The following NELL1 variants were observed in gnomAD, a reference collection of about 807,000 sequenced individuals.
NELL1 encodes neural EGFL like 1.
A neutral mutation model predicts 107.4 loss-of-function variants in NELL1; 76 were observed. The ratio of observed to expected loss-of-function variants is 0.71; its 90% CI spans 0.59 to 0.86. The LOEUF is 0.86. NELL1 is among the 40% of genes least tolerant of loss of function. The pLI, the probability that NELL1 is intolerant of heterozygous loss-of-function variation, is 0.00. For missense variants in NELL1, 1,024 were observed against 1,005.5 expected, an observed-to-expected ratio of 1.02 and a Z score of -0.25; for synonymous variants, 353 against 341.2, an observed-to-expected ratio of 1.03 and a Z score of -0.38.
chr11:21,458,245 A>G (rs965819636), intron 15 of NELL1, among the ~76,000 whole-genome samples: 102 of 151,840 alleles, frequency 6.7e-4, no homozygotes, highest in Admixed American at 6.7e-3. Flanking sequence ...TGGTAAGACT[A>G]TCTCTTTCAT....
At chr11:21,309,257 T>C (rs1230453627) in intron 14 of NELL1, among the ~76,000 whole-genome samples, 1 of 46,500 alleles carries the variant, frequency 2.2e-5, no homozygotes, top group African/African-American at 7.6e-5. Context: ...TAAATATATA[T>C]ATGTATATAT....
chr11:21,289,620 T>A (rs1375942004), intron 14 of NELL1, among the ~76,000 whole-genome samples: 6 of 152,160 alleles, frequency 3.9e-5, no homozygotes, highest in Admixed American at 3.9e-4. Context: ...GAAGGAGTTT[T>A]TTTTCATACT....
At chr11:20,949,092 CATAGGTAT>C (rs1361538051) in intron 11 of NELL1, among the ~76,000 whole-genome samples, 7 of 152,166 alleles carry the variant, frequency 4.6e-5, no homozygotes, top group Non-Finnish European at 1.0e-4. Context: ...CAACATAGAT[CATAGGTAT>C]ATAAATGGGT....
At chr11:21,473,836 T>G (rs1475963276) in intron 15 of NELL1, among the ~76,000 whole-genome samples, 3 of 152,102 alleles carry the variant, frequency 2.0e-5, no homozygotes, top group African/African-American at 7.2e-5. Context: ...TACCTCTCTG[T>G]GTTAAAGAGA....
intron 15 of NELL1, among the ~76,000 whole-genome samples, chr11:21,499,674 T>C (rs1333762595): frequency 6.6e-6 from 1 of 152,102 alleles, no homozygotes; most frequent in Admixed American, 6.6e-5. Context: ...AAGATAAGAA[T>C]TCTTCTGCCC....
chr11:20,715,246 A>G (rs920062617), intron 2 of NELL1, among the ~76,000 whole-genome samples: 4 of 151,338 alleles, frequency 2.6e-5, no homozygotes, highest in African/African-American at 4.9e-5. Flanking sequence ...AAAAAAAATT[A>G]TATATTGCGC....
intron 12 of NELL1, among the ~76,000 whole-genome samples, chr11:21,059,879 A>G (rs1420964329): frequency 6.6e-6 from 1 of 152,206 alleles, no homozygotes; most frequent in Non-Finnish European, 1.5e-5. Flanking sequence ...ATGGTTGTGC[A>G]TAAATATGCC....
intron 12 of NELL1, among the ~76,000 whole-genome samples, chr11:21,091,118 A>G (rs79665624): frequency 6.6e-6 from 1 of 152,348 alleles, no homozygotes; most frequent in Non-Finnish European, 1.5e-5. Context: ...CTCAGGCAAC[A>G]TCAGGAGGTC....
intron 3 of NELL1, among the ~76,000 whole-genome samples, chr11:20,799,337 C>T (rs1857236113): frequency 6.6e-6 from 1 of 152,168 alleles, no homozygotes; most frequent in African/African-American, 2.4e-5. Context: ...TGTATCATGA[C>T]AAAGTGTGAT....
intron 15 of NELL1, among the ~76,000 whole-genome samples, chr11:21,483,292 T>C (rs537415349): frequency 6.6e-6 from 1 of 152,310 alleles, no homozygotes; most frequent in South Asian, 2.1e-4. Context: ...ACCATGAATA[T>C]AGTCGACAGA....
At chr11:21,565,004 T>G (rs1052307886) in intron 17 of NELL1, among the ~76,000 whole-genome samples, 2 of 151,938 alleles carry the variant, frequency 1.3e-5, no homozygotes, top group African/African-American at 4.8e-5. Flanking sequence ...TTCCTAAGAA[T>G]AGGACTTACT....
chr11:21,405,824 T>G (rs1223204084), intron 15 of NELL1, among the ~76,000 whole-genome samples: 1 of 151,928 alleles, frequency 6.6e-6, no homozygotes, highest in Non-Finnish European at 1.5e-5. Flanking sequence ...CCCCAACCTT[T>G]CCTTTCTTTG....
intron 15 of NELL1, among the ~76,000 whole-genome samples, chr11:21,379,755 T>C (rs1483544750): frequency 6.6e-6 from 1 of 152,096 alleles, no homozygotes; most frequent in Non-Finnish European, 1.5e-5. Flanking sequence ...CTTGCAGGTA[T>C]GTAGACAGAG....
chr11:20,673,250 A>G (rs1853965126), intron 1 of NELL1, among the ~76,000 whole-genome samples: 7 of 152,140 alleles, frequency 4.6e-5, no homozygotes, highest in Admixed American at 3.9e-4. Context: ...CCAGCCTCCA[A>G]GGATCATGGA....
intron 12 of NELL1, among the ~76,000 whole-genome samples, chr11:21,111,234 C>T (rs1855099987): frequency 6.6e-6 from 1 of 152,096 alleles, no homozygotes; most frequent in South Asian, 2.1e-4. Context: ...CCTTGCCTGT[C>T]TGCGAGGTCT....
intron 15 of NELL1, among the ~76,000 whole-genome samples, chr11:21,495,966 G>C (rs575257869): frequency 6.6e-6 from 1 of 151,732 alleles, no homozygotes; most frequent in Non-Finnish European, 1.5e-5. Context: ...GTACCAAGTG[G>C]GTCCACTTTA....
intron 2 of NELL1, among the ~76,000 whole-genome samples, chr11:20,719,142 T>C (rs996381145): frequency 2.0e-5 from 3 of 152,356 alleles, no homozygotes; most frequent in African/African-American, 7.2e-5. Context: ...ATAAAGTTTA[T>C]TGTAGTCTTT....
At chr11:21,372,979 G>C (rs1250395204) in intron 15 of NELL1, among the ~76,000 whole-genome samples, 3 of 151,900 alleles carry the variant, frequency 2.0e-5, no homozygotes, top group Non-Finnish European at 4.4e-5. Flanking sequence ...CAAGACCAGG[G>C]AAAAAGTTAG....
chr11:21,230,848 A>G (rs1858029302), intron 14 of NELL1, among the ~76,000 whole-genome samples: 1 of 152,186 alleles, frequency 6.6e-6, no homozygotes, highest in South Asian at 2.1e-4. Flanking sequence ...AAATTTATCA[A>G]CATTCAAAGT....
Sources: gnomAD v4.1 joint callset for allele counts (sites outside exome capture counted in the v4.1 genomes callset) on GRCh38, gnomAD v4.1.1 for gene constraint, MANE v1.5 for transcripts, NCBI Gene and HGNC (gene_info 2026-07-23, HGNC 2026-07-21) for gene names.